The following ZMYM5 variants were observed in gnomAD, a reference collection of about 807,000 sequenced individuals.
The protein encoded by ZMYM5 is zinc finger MYM-type containing 5.
A neutral mutation model predicts 61.8 loss-of-function variants in ZMYM5; 41 were observed. The observed-to-expected ratio is 0.66, with a 90% confidence interval of 0.52 to 0.86. ZMYM5 has a LOEUF of 0.86. ZMYM5 is among the 40% of genes least tolerant of loss of function. ZMYM5 has a pLI of 0.00. For missense variants in ZMYM5, 706 were observed against 786.7 expected (o/e 0.90, Z 1.23); for synonymous variants, 257 against 276.4 (o/e 0.93, Z 0.70).
intron 7 of ZMYM5, among the ~76,000 whole-genome samples, chr13:19,827,209 A>C (rs1317247856): frequency 6.6e-6 from 1 of 152,190 alleles, no homozygotes; most frequent in African/African-American, 2.4e-5. Flanking sequence ...ATAAAAATTA[A>C]TGTGAAAGTC....
chr13:19,827,189 T>G (rs984317815), intron 7 of ZMYM5, among the ~76,000 whole-genome samples: 1 of 152,122 alleles, frequency 6.6e-6, no homozygotes, highest in Non-Finnish European at 1.5e-5. Flanking sequence ...TACATCTCAA[T>G]AAAGTGTTTA....
chr13:19,861,789 C>A (rs1487948649), intron 2 of ZMYM5, among the ~76,000 whole-genome samples: 5 of 151,698 alleles, frequency 3.3e-5, no homozygotes, highest in African/African-American at 1.2e-4. Flanking sequence ...AAGTGAATAG[C>A]TGACAGAGAA....
chr13:19,831,928 T>C (rs1289364547), intron 7 of ZMYM5, among the ~76,000 whole-genome samples: 1 of 148,358 alleles, frequency 6.7e-6, no homozygotes, highest in East Asian at 2.2e-4. Context: ...TGATCTCGGC[T>C]CACTGCAACC....
At chr13:19,860,888 G>GT (rs200045544) in intron 2 of ZMYM5, among the ~76,000 whole-genome samples, 1,801 of 151,652 alleles carry the variant, frequency 0.012, 43 homozygotes, top group African/African-American at 0.04. Flanking sequence ...CTCAGGTGGG[G>GT]GGGGGGGAAT....
intron 6 of ZMYM5, 150 bp downstream of exon 6, chr13:19,837,506 T>A (rs777337868): frequency 6.3e-7 from 1 of 1,594,594 alleles, no homozygotes; most frequent in Non-Finnish European, 8.5e-7. Flanking sequence ...TCCCATAAGA[T>A]AGTTCTAACA....
intron 2 of ZMYM5, among the ~76,000 whole-genome samples, chr13:19,856,453 C>A (rs1170568121): frequency 6.6e-6 from 1 of 151,508 alleles, no homozygotes; most frequent in East Asian, 2.0e-4. Context: ...CCAGCCTGAC[C>A]AACATGGAGA....
chr13:19,825,820 C>T (rs192860778), intron 7 of ZMYM5, among the ~76,000 whole-genome samples: 26 of 152,162 alleles, frequency 1.7e-4, no homozygotes, highest in African/African-American at 6.3e-4. Flanking sequence ...GCGGGTGGAT[C>T]AGTTGAGGTC....
chr13:19,841,122 A>G (rs1218933105), intron 4 of ZMYM5, among the ~76,000 whole-genome samples: 1 of 147,822 alleles, frequency 6.8e-6, no homozygotes, highest in Non-Finnish European at 1.5e-5. Context: ...ACGCCACCAC[A>G]CCTGGCTAAT....
At position 19,851,823 on chromosome 13, in the gene ZMYM5, C is replaced by A; in HGVS notation, c.358G>T (p.Asp120Tyr). Residue 120 changes from aspartate to tyrosine, a missense_variant, in exon 3 of 8, where the codon GAT becomes TAT. Physicochemically the swap from Asp to Tyr is radical, Grantham distance 160. This residue lies in a region of ZMYM5 where 480 missense variants were observed against 461.7 expected (regional missense o/e 1.04). Transcript: ENST00000337963. ...KGNISETIVI[D>Y]DEEDIETNGG... ...TTTGTTTCTATGTCCTCTTCATCAT[C>A]AATAACAATTGTCTCACTTATATTT... 6.2e-7 allele frequency: 1 copy of A among 1,612,878 alleles called. No individual in the cohort carries two copies. The highest frequency in any genetic ancestry group is 8.5e-7 in the Non-Finnish European group (1 of 1,179,806).
intron 6 of ZMYM5, 94 bp downstream of exon 6, chr13:19,837,562 G>A (rs559684811): frequency 1.1e-5 from 18 of 1,608,562 alleles, no homozygotes; most frequent in Non-Finnish European, 1.4e-5. Flanking sequence ...TCCAGAACAC[G>A]TGCATTATGT....
At chr13:19,843,561 G>A (rs1272510320) in intron 4 of ZMYM5, 2 of 152,120 alleles carry the variant, frequency 1.3e-5, no homozygotes, top group East Asian at 1.9e-4. Context: ...AACAGGCACA[G>A]TGTGGTGGCT....
intron 7 of ZMYM5, among the ~76,000 whole-genome samples, chr13:19,828,010 C>T (rs1891001620): frequency 1.2e-5 from 1 of 86,400 alleles, no homozygotes; most frequent in Non-Finnish European, 2.0e-5. Context: ...CAGAGCGAGA[C>T]TCCATCTCAA....
intron 2 of ZMYM5, among the ~76,000 whole-genome samples, chr13:19,854,718 T>C (rs1427971674): frequency 6.6e-6 from 1 of 151,950 alleles, no homozygotes; most frequent in Non-Finnish European, 1.5e-5. Flanking sequence ...TATGCTATTA[T>C]ATATATTAAC....
Position 19,852,131 on chromosome 13 carries a change from G to A in ZMYM5, c.50C>T (p.Ala17Val). 6.2e-7 allele frequency: 1 copy of A among 1,612,608 alleles called. No individual in the cohort carries two copies. The highest frequency in any genetic ancestry group is 8.5e-7 in the Non-Finnish European group (1 of 1,179,948). ...TGCCATGGCCATATTCCCTAATAAA[G>A]CAGGAGTCTGTTCAGTCAACTCTAA... ...GGLELTEQTP[A>V]LLGNMAMATS... Residue 17 changes from alanine (A) to valine (V), a missense_variant, in exon 3 of 8, where the codon GCT (alanine) becomes GTT (valine). Physicochemically the swap from Ala to Val is moderately conservative, Grantham distance 64. Around this residue, in one of 2 missense-constraint regions of ZMYM5, gnomAD observed 480 missense variants for 461.7 expected, o/e 1.04. Coordinates refer to ENST00000337963, the MANE Select transcript of ZMYM5 (RefSeq NM_001142684.2).
chr13:19,833,282 C>T (rs187925195), intron 7 of ZMYM5, among the ~76,000 whole-genome samples: 1 of 152,220 alleles, frequency 6.6e-6, no homozygotes, highest in East Asian at 1.9e-4. Flanking sequence ...AGAATATTTC[C>T]AGTTTTACAT....
At chr13:19,846,797 T>C (rs1216142300) in intron 4 of ZMYM5, among the ~76,000 whole-genome samples, 2 of 151,676 alleles carry the variant, frequency 1.3e-5, no homozygotes, top group African/African-American at 2.4e-5. Context: ...TGTTATGGCA[T>C]GCACTTGTAG....
intron 4 of ZMYM5, among the ~76,000 whole-genome samples, chr13:19,839,476 C>T (rs1286660105): frequency 1.3e-5 from 2 of 151,992 alleles, no homozygotes; most frequent in East Asian, 1.9e-4. Context: ...GCTACCTCTG[C>T]CCCCCAGGTT....
chr13:19,840,729 TG>T (rs1952839569), intron 4 of ZMYM5, among the ~76,000 whole-genome samples: 2 of 151,248 alleles, frequency 1.3e-5, no homozygotes, highest in South Asian at 4.2e-4. Flanking sequence ...CAGGCTGGAG[TG>T]CAGTGGTGCG....
At position 19,835,583 on chromosome 13, in the gene ZMYM5, T is replaced by C; in HGVS notation, c.1145A>G (p.His382Arg). Reference protein sequence around the residue: ...ANGLIMNCCEHCGEYMPSKST... With the variant: ...ANGLIMNCCERCGEYMPSKST... ...CTTACTAGGCATGTACTCTCCACAGTGTTCACAGCAGTTCATTATTAGACC... is the reference window on the plus strand; with the variant it reads ...CTTACTAGGCATGTACTCTCCACAGCGTTCACAGCAGTTCATTATTAGACC... The change falls in exon 7 of 8, where the codon CAC becomes CGC. Residue 382 changes from histidine to arginine, a missense_variant. Coordinates refer to ENST00000337963, the MANE Select transcript of ZMYM5 (RefSeq NM_001142684.2). 1.5e-6 allele frequency: 2 copies of C among 1,367,706 alleles called. No homozygotes were observed. Among genetic ancestry groups the C allele is most frequent in the Non-Finnish European group, 2.0e-6 (2 of 1,021,852 alleles). The allele number at this position is 1,367,706 out of a possible 1,614,324, so 84.7% of individuals were successfully genotyped here. A position where few individuals can be genotyped will look rare whatever the true frequency, so the allele number is the denominator to read the frequency against.
Sources: gnomAD v4.1 joint callset for allele counts (sites outside exome capture counted in the v4.1 genomes callset) on GRCh38, gnomAD v4.1.1 for gene constraint, gnomAD v4.1.1 regional missense constraint, MANE v1.5 for transcripts, NCBI Gene and HGNC (gene_info 2026-07-23, HGNC 2026-07-21) for gene names.